The following OPCML variants were observed in gnomAD, a reference collection of about 807,000 sequenced individuals.
The protein encoded by OPCML is opioid-binding protein/cell adhesion molecule.
Under a neutral mutation model 37.8 loss-of-function variants are expected in OPCML, and 13 were observed. That is an observed-to-expected ratio of 0.34 (90% confidence interval 0.22 to 0.55). The LOEUF (loss-of-function observed/expected upper bound fraction) is 0.55, where lower values mean the gene tolerates loss of function less well. Ranked by LOEUF, OPCML falls within the 20% of genes least tolerant of loss-of-function variation. The pLI, the probability that OPCML is intolerant of heterozygous loss-of-function variation, is 0.91. For missense variants in OPCML, 341 were observed against 435.6 expected, an observed-to-expected ratio of 0.78 and a Z score of 1.93; for synonymous variants, 176 against 168.8, an observed-to-expected ratio of 1.04 and a Z score of -0.33.
rs77120307 is a variant in OPCML, at chr11:133,368,730, G to A, written c.61+163534C>T. Among the ~76,000 whole-genome samples the A allele has an allele frequency of 6.5e-3, 984 of 152,214 alleles. 7 individuals carry two copies. Among genetic ancestry groups the A allele is most frequent in the African/African-American group, 0.021 (866 of 41,522 alleles). On this transcript the variant is annotated intron_variant, in intron 1 of 7. Coordinates refer to ENST00000524381, the MANE Select transcript of OPCML (RefSeq NM_001012393.5). ...CCTCACTTTTAAAAATCTAGAACAA[G>A]CTGATATTCATTAAGGAAACTCATT...
At chr11:132,568,798 A>G (rs749331420) in intron 3 of OPCML, among the ~76,000 whole-genome samples, 16 of 152,190 alleles carry the variant, frequency 1.1e-4, no homozygotes, top group Non-Finnish European at 2.2e-4. Flanking sequence ...TGTGAAACTA[A>G]CGCAGCTGCC....
chr11:133,503,341 A>C (rs867151731), intron 1 of OPCML, among the ~76,000 whole-genome samples: 21 of 152,146 alleles, frequency 1.4e-4, no homozygotes, highest in African/African-American at 3.9e-4. Flanking sequence ...GAAGATTTAG[A>C]AACATGCAGG....
At chr11:132,784,128 A>C (rs568691077) in intron 2 of OPCML, among the ~76,000 whole-genome samples, 2 of 152,270 alleles carry the variant, frequency 1.3e-5, no homozygotes, top group East Asian at 1.9e-4. Context: ...CAGAAAACCA[A>C]CCCAGCTATC....
intron 3 of OPCML, among the ~76,000 whole-genome samples, chr11:132,608,716 G>T (rs1200070168): frequency 6.6e-6 from 1 of 152,152 alleles, no homozygotes; most frequent in Non-Finnish European, 1.5e-5. Context: ...TTACCAGTGG[G>T]TATACTCCAG....
chr11:132,636,895 T>TA (rs973130563), intron 3 of OPCML, among the ~76,000 whole-genome samples: 1 of 152,034 alleles, frequency 6.6e-6, no homozygotes, highest in Non-Finnish European at 1.5e-5. Context: ...ATTTGCAATC[T>TA]AAAAAAAGAG....
rs904903582 is a variant in OPCML at position 132,415,099 on chromosome 11, A to C, written c.*5094T>G. ...TGCACAAAATTCAGGTAGTATATTC[A>C]CCCTTGATACAATTATTGACAGAAA... On this transcript the variant is annotated 3_prime_UTR_variant, in exon 8 of 8. Transcript: ENST00000524381. 4.6e-5 allele frequency: 7 copies of C among 152,582 alleles called. No homozygotes were observed. The highest frequency in any genetic ancestry group is 1.7e-4 in the African/African-American group (7 of 41,414). The allele number at this position is 152,582 out of a possible 1,614,324, so 9.5% of individuals were successfully genotyped here.
intron 1 of OPCML, among the ~76,000 whole-genome samples, chr11:133,310,187 AG>A (rs1943033765): frequency 6.6e-6 from 1 of 152,310 alleles, no homozygotes; most frequent in African/African-American, 2.4e-5. Context: ...TTTGTGGAAA[AG>A]GGGTATGGCT....
chr11:132,483,450 G>A (rs377244256), intron 4 of OPCML, among the ~76,000 whole-genome samples: 7,999 of 152,024 alleles, frequency 0.053, 446 homozygotes, highest in East Asian at 0.17. Flanking sequence ...TTCCATGCTC[G>A]TGGGTAGGAA....
intron 1 of OPCML, among the ~76,000 whole-genome samples, chr11:133,089,249 A>C: frequency 6.6e-6 from 1 of 152,240 alleles, no homozygotes; most frequent in East Asian, 1.9e-4. Flanking sequence ...TGACAAAAAA[A>C]CAGGCATACA....
chr11:132,478,816 G>A (rs943942553), intron 4 of OPCML, among the ~76,000 whole-genome samples: 7 of 152,156 alleles, frequency 4.6e-5, no homozygotes, highest in Non-Finnish European at 8.8e-5. Context: ...AGAGGCTGAA[G>A]AAAGGCTGCA....
At chr11:133,049,221 G>A (rs1051557024) in intron 1 of OPCML, among the ~76,000 whole-genome samples, 5 of 152,154 alleles carry the variant, frequency 3.3e-5, no homozygotes, top group African/African-American at 4.8e-5. Context: ...AGGAACTTAC[G>A]CATCAGCAAG....
chr11:133,424,578 T>A (rs1404702582), intron 1 of OPCML, among the ~76,000 whole-genome samples: 1 of 152,194 alleles, frequency 6.6e-6, no homozygotes, highest in Non-Finnish European at 1.5e-5. Context: ...CAGTGTCCCA[T>A]CCTGTGGCTA....
At chr11:132,884,948 T>C (rs1319549650) in intron 2 of OPCML, among the ~76,000 whole-genome samples, 26 of 152,124 alleles carry the variant, frequency 1.7e-4, no homozygotes, top group Admixed American at 1.6e-3. Context: ...TGATTGAATA[T>C]CAGTGGAAGG....
At chr11:132,784,465 C>A (rs755620412) in intron 2 of OPCML, among the ~76,000 whole-genome samples, 2 of 152,148 alleles carry the variant, frequency 1.3e-5, no homozygotes, top group Admixed American at 6.5e-5. Flanking sequence ...CCTCTGCCTG[C>A]CTTTGAGTCT....
chr11:133,396,115 T>A (rs1330554001), intron 1 of OPCML, among the ~76,000 whole-genome samples: 2 of 152,120 alleles, frequency 1.3e-5, no homozygotes, highest in Non-Finnish European at 2.9e-5. Flanking sequence ...GGTTAATTCC[T>A]AGGTATTTAA....
At chr11:133,130,812 A>T (rs555458107) in intron 1 of OPCML, among the ~76,000 whole-genome samples, 1 of 152,104 alleles carries the variant, frequency 6.6e-6, no homozygotes, top group South Asian at 2.1e-4. Context: ...AATTTTGACA[A>T]AGGAGCTAAA....
At chr11:133,026,266 AC>A (rs1947552758) in intron 1 of OPCML, among the ~76,000 whole-genome samples, 3 of 152,198 alleles carry the variant, frequency 2.0e-5, no homozygotes, top group Non-Finnish European at 2.9e-5. Flanking sequence ...TCAAATGCAT[AC>A]ATGTAAAAAA....
chr11:132,765,453 G>A (rs983577639), intron 2 of OPCML, among the ~76,000 whole-genome samples: 5 of 152,162 alleles, frequency 3.3e-5, no homozygotes, highest in African/African-American at 9.7e-5. Flanking sequence ...AGAATCTATG[G>A]TGGCTCTCCA....
intron 1 of OPCML, among the ~76,000 whole-genome samples, chr11:133,384,690 G>C (rs1436415458): frequency 6.6e-6 from 1 of 152,216 alleles, no homozygotes; most frequent in African/African-American, 2.4e-5. Flanking sequence ...CCACTGACAG[G>C]CTGAGAGCCT....
Sources: gnomAD v4.1 joint callset for allele counts (sites outside exome capture counted in the v4.1 genomes callset) on GRCh38, gnomAD v4.1.1 for gene constraint, MANE v1.5 for transcripts, NCBI Gene and HGNC (gene_info 2026-07-23, HGNC 2026-07-21) for gene names.